RETREG1: variants seen among roughly 807,000 people sequenced by gnomAD.
RETREG1 encodes reticulophagy regulator 1, also known as family with sequence similarity 134 member B.
In RETREG1, 44 loss-of-function variants were observed where a neutral mutation model predicts 54.8. The ratio of observed to expected loss-of-function variants is 0.80; its 90% confidence interval spans 0.63 to 1.03. The LOEUF (loss-of-function observed/expected upper bound fraction) is 1.03. Among genes scored for constraint, RETREG1 ranks in the 50% least tolerant of loss-of-function variants. The pLI is 0.00. For synonymous variants in RETREG1, 217 were observed against 238.5 expected (o/e 0.91, Z 0.83); for missense variants, 554 against 605.1 (o/e 0.92, Z 0.89).
intron 3 of RETREG1, among the ~76,000 whole-genome samples, chr5:16,529,112 T>G (rs927378828): frequency 3.3e-5 from 5 of 152,250 alleles, no homozygotes; most frequent in African/African-American, 1.2e-4. Flanking sequence ...TGTGTTCCCT[T>G]TTATAATCAA....
chr5:16,478,627 C>G (rs1579580544), intron 6 of RETREG1, among the ~76,000 whole-genome samples: 1 of 152,050 alleles, frequency 6.6e-6, no homozygotes, highest in Admixed American at 6.6e-5. Flanking sequence ...TCTTTCTCCC[C>G]TGACACTGTG....
chr5:16,520,000 T>G (rs897255602), intron 3 of RETREG1, among the ~76,000 whole-genome samples: 3 of 152,136 alleles, frequency 2.0e-5, no homozygotes, highest in Non-Finnish European at 4.4e-5. Flanking sequence ...CGCCTGACCC[T>G]GTTATGGGTT....
intron 8 of RETREG1, 38 bp downstream of exon 8, chr5:16,477,624 A>T: frequency 6.3e-7 from 1 of 1,592,576 alleles, no homozygotes; most frequent in South Asian, 1.1e-5. Context: ...TTTTGTATGC[A>T]CTCATAAAAA....
Position 16,478,984 on chromosome 5 carries a change from A to C in RETREG1, c.674T>G (p.Leu225Arg). The C allele has an allele frequency of 6.2e-7, 1 of 1,611,716 alleles. No homozygotes were observed. Among genetic ancestry groups the C allele is most frequent in the Non-Finnish European group, 8.5e-7 (1 of 1,178,680 alleles). ...AAACAATGGACACAAAAATGCACACAGTACTGAAAGAAGAAAGAGAGCAGA... is the reference window on the plus strand; with the variant it reads ...AAACAATGGACACAAAAATGCACACCGTACTGAAAGAAGAAAGAGAGCAGA... ...PGVILSYLLLLCAFLCPLFKC... is the reference protein window; with the variant it reads ...PGVILSYLLLRCAFLCPLFKC... The change falls in exon 6 of 9, where the codon CTG (leucine) becomes CGG (arginine). Residue 225 changes from leucine (L) to arginine (R), a missense_variant. Coordinates refer to ENST00000306320, the MANE Select transcript of RETREG1 (RefSeq NM_001034850.3).
chr5:16,523,305 C>T (rs924547848), intron 3 of RETREG1, among the ~76,000 whole-genome samples: 1 of 152,174 alleles, frequency 6.6e-6, no homozygotes, highest in Admixed American at 6.5e-5. Context: ...CCAGGCACCA[C>T]GCCACATTCA....
intron 3 of RETREG1, among the ~76,000 whole-genome samples, chr5:16,500,764 T>A (rs1471583429): frequency 6.6e-6 from 1 of 152,086 alleles, no homozygotes; most frequent in Non-Finnish European, 1.5e-5. Flanking sequence ...ATAATATCAA[T>A]GTTCACGCGC....
chr5:16,563,359 G>A (rs1038076), intron 3 of RETREG1, among the ~76,000 whole-genome samples: 2 of 152,148 alleles, frequency 1.3e-5, no homozygotes, highest in Non-Finnish European at 2.9e-5. Flanking sequence ...CTGGGTTCAA[G>A]AGATTCTCCC....
intron 2 of RETREG1, among the ~76,000 whole-genome samples, chr5:16,569,189 TAA>T (rs1742104915): frequency 6.6e-6 from 1 of 152,006 alleles, no homozygotes; most frequent in Non-Finnish European, 1.5e-5. Flanking sequence ...GCCTTTGTCC[TAA>T]GAGACTCTAC....
At chr5:16,556,020 G>A (rs924735850) in intron 3 of RETREG1, among the ~76,000 whole-genome samples, 1 of 152,060 alleles carries the variant, frequency 6.6e-6, no homozygotes, top group Non-Finnish European at 1.5e-5. Flanking sequence ...AATAACTCAG[G>A]ATCTGCTAAC....
chr5:16,586,564 A>G (rs1257805482), intron 1 of RETREG1, among the ~76,000 whole-genome samples: 1 of 152,234 alleles, frequency 6.6e-6, no homozygotes, highest in African/African-American at 2.4e-5. Context: ...GGAGAGGTAC[A>G]GGAACCTACA....
intron 3 of RETREG1, among the ~76,000 whole-genome samples, chr5:16,540,515 T>A (rs1413483185): frequency 6.6e-6 from 1 of 152,196 alleles, no homozygotes; most frequent in Non-Finnish European, 1.5e-5. Flanking sequence ...TTCACACACA[T>A]ACCAGTGAAT....
intron 1 of RETREG1, among the ~76,000 whole-genome samples, chr5:16,611,023 T>C (rs901115263): frequency 6.6e-6 from 1 of 152,178 alleles, no homozygotes. Flanking sequence ...CCATCAATGA[T>C]AGACTGGATT....
At chr5:16,517,189 T>TCTTGGAATGAGGAGGAAGATATATCTAAC (rs1740387723) in intron 3 of RETREG1, among the ~76,000 whole-genome samples, 3 of 88,710 alleles carry the variant, frequency 3.4e-5, no homozygotes. Flanking sequence ...ATATATCTAA[T>TCTTGGAATGAGGAGGAAGATATATCTAAC]AGGAGTCTTG....
intron 3 of RETREG1, among the ~76,000 whole-genome samples, chr5:16,543,470 GT>G (rs1741301992): frequency 6.6e-6 from 1 of 152,148 alleles, no homozygotes; most frequent in African/African-American, 2.4e-5. Flanking sequence ...AAGGTCAGGA[GT>G]TCGAAACCAG....
chr5:16,590,823 AACAC>A (rs1316295657), intron 1 of RETREG1, among the ~76,000 whole-genome samples: 1 of 144,734 alleles, frequency 6.9e-6, no homozygotes, highest in Non-Finnish European at 1.5e-5. Context: ...CAGACATGCA[AACAC>A]ACACATGCAA....
intron 3 of RETREG1, among the ~76,000 whole-genome samples, chr5:16,488,955 C>A (rs149424884): frequency 4.0e-4 from 61 of 151,994 alleles, no homozygotes; most frequent in African/African-American, 1.4e-3. Context: ...TGGTGGCATG[C>A]GCCTGTAGTC....
chr5:16,482,379 A>G (rs1254400001), intron 4 of RETREG1, among the ~76,000 whole-genome samples: 3 of 151,986 alleles, frequency 2.0e-5, no homozygotes, highest in Non-Finnish European at 4.4e-5. Flanking sequence ...AATCTTCCAA[A>G]AATACATTTA....
chr5:16,573,227 A>G (rs1423341440), intron 1 of RETREG1, among the ~76,000 whole-genome samples: 1 of 142,714 alleles, frequency 7.0e-6, no homozygotes, highest in Non-Finnish European at 1.5e-5. Context: ...TTGAAGATCC[A>G]CTTTGCTAAC....
chr5:16,586,284 T>A (rs1429313867), intron 1 of RETREG1, among the ~76,000 whole-genome samples: 3 of 152,220 alleles, frequency 2.0e-5, no homozygotes, highest in Admixed American at 6.5e-5. Flanking sequence ...CATCTTTGTG[T>A]CTGCCCAGTG....
Sources: gnomAD v4.1 joint callset for allele counts (sites outside exome capture counted in the v4.1 genomes callset) on GRCh38, gnomAD v4.1.1 for gene constraint, MANE v1.5 for transcripts, NCBI Gene and HGNC (gene_info 2026-07-23, HGNC 2026-07-21) for gene names.